The following ARL14EP variants were observed in gnomAD, a reference collection of about 807,000 sequenced individuals.
ARL14EP encodes the protein ARL14 effector protein.
A neutral mutation model predicts 23.1 loss-of-function variants in ARL14EP; 12 were observed. The ratio of observed to expected loss-of-function variants is 0.52; its 90% CI spans 0.33 to 0.84. The LOEUF (loss-of-function observed/expected upper bound fraction) is 0.84, where lower values mean the gene tolerates loss of function less well. Among genes scored for constraint, ARL14EP ranks in the 40% least tolerant of loss-of-function variants. The pLI, the probability that ARL14EP is intolerant of heterozygous loss-of-function variation, is 0.02. For missense variants in ARL14EP, 253 were observed against 307.3 expected (o/e 0.82, Z 1.32); for synonymous variants, 97 against 102.0 (o/e 0.95, Z 0.29).
intron 1 of ARL14EP, among the ~76,000 whole-genome samples, chr11:30,326,560 A>C (rs1947236196): frequency 6.6e-6 from 1 of 152,216 alleles, no homozygotes; most frequent in African/African-American, 2.4e-5. Context: ...AACAGGCCCA[A>C]ATGCAGAACT....
intron 1 of ARL14EP, among the ~76,000 whole-genome samples, chr11:30,324,208 G>C (rs1947219064): frequency 6.6e-6 from 1 of 152,174 alleles, no homozygotes; most frequent in Non-Finnish European, 1.5e-5. Flanking sequence ...AATCTGGGAA[G>C]ACGCTGTGTA....
intron 3 of ARL14EP, among the ~76,000 whole-genome samples, chr11:30,334,867 C>T (rs779226044): frequency 3.3e-5 from 5 of 152,214 alleles, no homozygotes; most frequent in Non-Finnish European, 7.3e-5. Flanking sequence ...CACTCAGGAG[C>T]TCTGATAGAG....
rs765838585 is a variant in ARL14EP, at chr11:30,336,973, A to G, written c.*178A>G. On this transcript the variant is annotated 3_prime_UTR_variant, in exon 4 of 4. Transcript: ENST00000282032. ...TATTTGATATAAATTCAGATAGGCTATTTTTCAGTAGTCAGCGTTAAGCCT... is the reference window on the plus strand; with the variant it reads ...TATTTGATATAAATTCAGATAGGCTGTTTTTCAGTAGTCAGCGTTAAGCCT... 54 of 652,482 alleles carry G rather than the reference A, an allele frequency of 8.3e-5. No homozygotes were observed. The highest frequency in any genetic ancestry group is 1.3e-4 in the Non-Finnish European group (48 of 375,014). 40.4% of individuals were successfully genotyped at this position (652,482 alleles called of 1,614,324 possible). A position where few individuals can be genotyped will look rare whatever the true frequency, so the allele number is the denominator to read the frequency against.
Position 30,331,007 on chromosome 11 carries a change from C to T in ARL14EP, c.59C>T (p.Thr20Ile). 5 of 1,613,886 alleles carry T rather than the reference C, an allele frequency of 3.1e-6. No homozygotes were observed. Among genetic ancestry groups the T allele is most frequent in the Non-Finnish European group, 4.2e-6 (5 of 1,179,804 alleles). The change falls in exon 2 of 4, where the codon ACC becomes ATC. Residue 20 changes from threonine to isoleucine, a missense_variant. Physicochemically the swap from Thr to Ile is moderately conservative, Grantham distance 89 (BLOSUM62 -1). Transcript: ENST00000282032. ...QLRTTNECHK[T>I]YYTRHTGFKT... ...CGTACTACAAATGAGTGCCATAAAA[C>T]CTACTATACTCGTCACACAGGTTTT...
chr11:30,330,852 G>A (rs1268891495), intron 1 of ARL14EP, 34 bp from the exon 2 acceptor site: 17 of 1,179,496 alleles, frequency 1.4e-5, no homozygotes, highest in Admixed American at 8.6e-5. Context: ...TAAACTTGCA[G>A]CACAAATTTG....
chr11:30,335,487 C>G (rs558689419), intron 3 of ARL14EP, among the ~76,000 whole-genome samples: 1 of 152,252 alleles, frequency 6.6e-6, no homozygotes, highest in South Asian at 2.1e-4. Flanking sequence ...TCCACTGATG[C>G]AGCAAACTTC....
chr11:30,333,196 G>A (rs776893224), intron 3 of ARL14EP, among the ~76,000 whole-genome samples: 7 of 152,136 alleles, frequency 4.6e-5, no homozygotes, highest in Non-Finnish European at 1.0e-4. Context: ...TTTCTAAGAA[G>A]GTAGCAGTGA....
chr11:30,333,467 GCT>G (rs1380151555), intron 3 of ARL14EP, among the ~76,000 whole-genome samples: 5 of 151,944 alleles, frequency 3.3e-5, no homozygotes, highest in African/African-American at 1.2e-4. Context: ...AATATTTCCA[GCT>G]TTTTCATTAC....
In ARL14EP at chr11:30,336,999, G is replaced by C. The variant is rs1590672164; in HGVS notation, c.*204G>C. The C allele has an allele frequency of 1.7e-6, 1 of 585,444 alleles. No homozygotes were observed. The highest frequency in any genetic ancestry group is 3.0e-6 in the Non-Finnish European group (1 of 332,024). 36.3% of individuals were successfully genotyped at this position (585,444 alleles called of 1,614,324 possible). ...TTTTTCAGTAGTCAGCGTTAAGCCT[G>C]TCTGGATCAATATAAACAAGTAGGG... On this transcript the variant is annotated 3_prime_UTR_variant, in exon 4 of 4. Transcript: ENST00000282032.
At chr11:30,334,091 G>C (rs949216095) in intron 3 of ARL14EP, among the ~76,000 whole-genome samples, 1 of 152,010 alleles carries the variant, frequency 6.6e-6, no homozygotes, top group African/African-American at 2.4e-5. Flanking sequence ...AGCAGAGGTT[G>C]GTTTATGAGG....
At chr11:30,325,394 G>A (rs912757015) in intron 1 of ARL14EP, among the ~76,000 whole-genome samples, 6 of 152,106 alleles carry the variant, frequency 3.9e-5, no homozygotes, top group African/African-American at 1.4e-4. Context: ...GGTAAACAAG[G>A]GGGGATCCTT....
At position 30,336,826 on chromosome 11, in the gene ARL14EP, G is replaced by A; in HGVS notation, c.*31G>A. ...GGTACCAAACTATGGAGCCTTTAAAGGTCTTTATTTCTAAAAATCTGTTAC... is the reference window on the plus strand; with the variant it reads ...GGTACCAAACTATGGAGCCTTTAAAAGTCTTTATTTCTAAAAATCTGTTAC... On this transcript the variant is annotated 3_prime_UTR_variant, in exon 4 of 4. Coordinates refer to ENST00000282032, the MANE Select transcript of ARL14EP (RefSeq NM_152316.3). The A allele has an allele frequency of 6.4e-7, 1 of 1,565,104 alleles. No individual in the cohort carries two copies. The highest frequency in any genetic ancestry group is 8.8e-7 in the Non-Finnish European group (1 of 1,135,998).
At chr11:30,324,681 G>A (rs1327468003) in intron 1 of ARL14EP, among the ~76,000 whole-genome samples, 1 of 152,058 alleles carries the variant, frequency 6.6e-6, no homozygotes, top group Non-Finnish European at 1.5e-5. Flanking sequence ...TTTGGTAATG[G>A]GCAGCAAGAG....
At chr11:30,328,693 C>A (rs1947260839) in intron 1 of ARL14EP, 1 of 151,930 alleles carries the variant, frequency 6.6e-6, no homozygotes, top group South Asian at 2.1e-4. Context: ...TTTTTGTTAC[C>A]TGAGGCCAGA....
At chr11:30,334,398 G>A (rs1358279758) in intron 3 of ARL14EP, among the ~76,000 whole-genome samples, 1 of 151,796 alleles carries the variant, frequency 6.6e-6, no homozygotes, top group African/African-American at 2.4e-5. Context: ...TGTATTTTTA[G>A]TAGAGACGGG....
At position 30,338,069 on chromosome 11, in the gene ARL14EP, CT is replaced by C. The variant is rs1228926145; in HGVS notation, c.*1276del. On this transcript the variant is annotated 3_prime_UTR_variant, in exon 4 of 4. Transcript: ENST00000282032. ...ACAGTACCATGTGAAATGAGGATCG[CT>C]TGTAGCTGGGAACAGTGCTTACTTC... is the stretch of plus-strand genomic sequence containing the variant. 1 of 152,118 alleles carries C rather than the reference CT, an allele frequency of 6.6e-6. No individual in the cohort carries two copies. The highest frequency in any genetic ancestry group is 1.5e-5 in the Non-Finnish European group (1 of 68,028). The allele number at this position is 152,118 out of a possible 1,614,324, so 9.4% of individuals were successfully genotyped here. A position where few individuals can be genotyped will look rare whatever the true frequency, so the allele number is the denominator to read the frequency against.
chr11:30,327,696 T>A (rs1012950726), intron 1 of ARL14EP, among the ~76,000 whole-genome samples: 5 of 151,268 alleles, frequency 3.3e-5, no homozygotes, highest in African/African-American at 9.7e-5. Context: ...CGGTGGCTCA[T>A]GCCTGTAATC....
At position 30,336,928 on chromosome 11, in the gene ARL14EP, T is replaced by A. The variant is rs1222206; in HGVS notation, c.*133T>A. On this transcript the variant is annotated 3_prime_UTR_variant, in exon 4 of 4. Transcript: ENST00000282032. The stretch of plus-strand genomic sequence containing the variant: ...TCTCAGTGTGCCCTAATTTTTCATC[T>A]TGGGTGCTTTAAGATTCACTATTTG... The A allele has an allele frequency of 8.3e-6, 7 of 846,526 alleles. No homozygotes were observed. The Admixed American group carries it at 8.7e-5, about 10-fold the overall frequency. 52.4% of individuals were successfully genotyped at this position (846,526 alleles called of 1,614,324 possible). A position where few individuals can be genotyped will look rare whatever the true frequency, so the allele number is the denominator to read the frequency against.
chr11:30,334,889 G>A (rs1947319635), intron 3 of ARL14EP, among the ~76,000 whole-genome samples: 1 of 152,196 alleles, frequency 6.6e-6, no homozygotes. Flanking sequence ...TGTCCCAGGA[G>A]ATAAATGTTT....
Sources: gnomAD v4.1 joint callset for allele counts (sites outside exome capture counted in the v4.1 genomes callset) on GRCh38, gnomAD v4.1.1 for gene constraint, MANE v1.5 for transcripts, NCBI Gene and HGNC (gene_info 2026-07-23, HGNC 2026-07-21) for gene names.